The following IQCK variants were observed in gnomAD, a reference collection of about 807,000 sequenced individuals.
IQCK encodes the protein IQ domain-containing protein K.
A neutral mutation model predicts 28.1 loss-of-function variants in IQCK; 29 were observed. That is an observed-to-expected ratio of 1.03 (90% CI 0.77 to 1.41). The LOEUF (loss-of-function observed/expected upper bound fraction) is 1.41, where lower values mean the gene tolerates loss of function less well. Among genes scored for constraint, IQCK ranks in the 40% most tolerant of loss-of-function variants. The pLI, the probability that IQCK is intolerant of heterozygous loss-of-function variation, is 0.00. For missense variants in IQCK, 359 were observed against 314.7 expected (o/e 1.14, Z -1.07); for synonymous variants, 113 against 115.1 (o/e 0.98, Z 0.12).
chr16:19,725,991 C>T (rs1160703479), intron 1 of IQCK, among the ~76,000 whole-genome samples: 1 of 151,260 alleles, frequency 6.6e-6, no homozygotes, highest in African/African-American at 2.4e-5. Context: ...TCTCTGCTCA[C>T]CGCAAGCTCC....
chr16:19,783,433 C>CA (rs1307587733), intron 6 of IQCK, among the ~76,000 whole-genome samples: 1 of 152,158 alleles, frequency 6.6e-6, no homozygotes, highest in Non-Finnish European at 1.5e-5. Flanking sequence ...TCTGAACATG[C>CA]AAAAACGTCT....
At chr16:19,792,798 C>G (rs1336376372) in intron 7 of IQCK, among the ~76,000 whole-genome samples, 1 of 113,730 alleles carries the variant, frequency 8.8e-6, no homozygotes, top group South Asian at 2.6e-4. Context: ...AAGCTGGTCT[C>G]GAACTCCTGA....
chr16:19,771,173 C>T (rs867780190), intron 6 of IQCK, among the ~76,000 whole-genome samples: 2 of 152,296 alleles, frequency 1.3e-5, no homozygotes, highest in South Asian at 2.1e-4. Flanking sequence ...CTCACTGCAG[C>T]CTTGACTTCC....
intron 4 of IQCK, among the ~76,000 whole-genome samples, chr16:19,753,726 T>A (rs1197992744): frequency 6.6e-6 from 1 of 151,908 alleles, no homozygotes; most frequent in Non-Finnish European, 1.5e-5. Context: ...GGCTTCAGGG[T>A]TGGTTTGATT....
chr16:19,781,885 A>G (rs1394691275), intron 6 of IQCK, among the ~76,000 whole-genome samples: 2 of 152,056 alleles, frequency 1.3e-5, no homozygotes, highest in East Asian at 3.9e-4. Flanking sequence ...GCTACTCGGG[A>G]GGCTGAGGAA....
chr16:19,777,317 G>A (rs1227436594), intron 6 of IQCK, among the ~76,000 whole-genome samples: 1 of 152,146 alleles, frequency 6.6e-6, no homozygotes, highest in Non-Finnish European at 1.5e-5. Context: ...CCAGTCGCTT[G>A]ATGATCTATT....
intron 9 of IQCK, among the ~76,000 whole-genome samples, chr16:19,845,873 G>A (rs569941762): frequency 2.0e-5 from 3 of 152,062 alleles, no homozygotes; most frequent in African/African-American, 7.2e-5. Context: ...TCAGGAGTTC[G>A]AGACCAGCCT....
intron 7 of IQCK, among the ~76,000 whole-genome samples, chr16:19,811,742 G>C (rs2055908247): frequency 6.6e-6 from 1 of 152,204 alleles, no homozygotes; most frequent in Non-Finnish European, 1.5e-5. Context: ...AAGTTGTACA[G>C]ATGTTAGGAT....
intron 9 of IQCK, among the ~76,000 whole-genome samples, chr16:19,836,807 T>A (rs1376822778): frequency 6.6e-6 from 1 of 152,200 alleles, no homozygotes. Flanking sequence ...CCACCGTGCC[T>A]GGCTGATGCG....
chr16:19,747,315 A>G (rs1475467731), intron 4 of IQCK, among the ~76,000 whole-genome samples: 3 of 151,994 alleles, frequency 2.0e-5, no homozygotes, highest in Non-Finnish European at 4.4e-5. Context: ...ATCCTCTATC[A>G]GATTAACCCT....
chr16:19,741,136 A>G (rs1305540051), intron 4 of IQCK, among the ~76,000 whole-genome samples: 1 of 152,164 alleles, frequency 6.6e-6, no homozygotes, highest in Non-Finnish European at 1.5e-5. Flanking sequence ...TAGAGGAGCC[A>G]TAATGATGAA....
intron 7 of IQCK, among the ~76,000 whole-genome samples, chr16:19,810,702 A>G (rs1402909287): frequency 6.6e-6 from 1 of 151,516 alleles, no homozygotes; most frequent in African/African-American, 2.4e-5. Flanking sequence ...GCTACTCAGA[A>G]GGCTGAGGCA....
chr16:19,843,558 TA>T (rs1398157422), intron 9 of IQCK, among the ~76,000 whole-genome samples: 1 of 152,278 alleles, frequency 6.6e-6, no homozygotes, highest in African/African-American at 2.4e-5. Flanking sequence ...TACTCCTTTT[TA>T]CAGCTTGTAT....
At chr16:19,851,650 G>C (rs2056484075) in intron 9 of IQCK, among the ~76,000 whole-genome samples, 1 of 152,142 alleles carries the variant, frequency 6.6e-6, no homozygotes, top group South Asian at 2.1e-4. Context: ...CTGAAGGGCT[G>C]GCGTATCTCT....
intron 4 of IQCK, among the ~76,000 whole-genome samples, chr16:19,757,924 G>A (rs1468582734): frequency 1.3e-5 from 2 of 152,120 alleles, no homozygotes; most frequent in East Asian, 3.8e-4. Flanking sequence ...TTTTTTGGAT[G>A]CATTTCAGAG....
chr16:19,752,338 AGTT>A (rs2054997477), intron 4 of IQCK, among the ~76,000 whole-genome samples: 1 of 152,224 alleles, frequency 6.6e-6, no homozygotes. Flanking sequence ...CTCAGAGTAA[AGTT>A]AATCATTTTT....
intron 7 of IQCK, among the ~76,000 whole-genome samples, chr16:19,820,219 A>G (rs1459685750): frequency 6.6e-6 from 1 of 152,084 alleles, no homozygotes; most frequent in African/African-American, 2.4e-5. Flanking sequence ...AGAAAAAAAA[A>G]TAGATAATTT....
chr16:19,759,519 C>T (rs1413252027), intron 4 of IQCK, among the ~76,000 whole-genome samples: 2 of 152,028 alleles, frequency 1.3e-5, no homozygotes, highest in Non-Finnish European at 2.9e-5. Flanking sequence ...TCAGTGCAGT[C>T]AGTTAAGCAC....
intron 6 of IQCK, among the ~76,000 whole-genome samples, chr16:19,777,888 T>TA (rs959884537): frequency 4.2e-4 from 64 of 152,066 alleles, no homozygotes; most frequent in Non-Finnish European, 6.0e-4. Flanking sequence ...CCATCTCTAC[T>TA]AAAAAAATGC....
Sources: gnomAD v4.1 joint callset for allele counts (sites outside exome capture counted in the v4.1 genomes callset) on GRCh38, gnomAD v4.1.1 for gene constraint, MANE v1.5 for transcripts, NCBI Gene and HGNC (gene_info 2026-07-23, HGNC 2026-07-21) for gene names.